Variants in LPXN observed in about 807,000 individuals in gnomAD.
LPXN encodes leupaxin.
In LPXN, 28 loss-of-function variants were observed where a neutral mutation model predicts 45.6. That is an observed-to-expected ratio of 0.61 (90% CI 0.45 to 0.84). The LOEUF is 0.84. LPXN is among the 40% of genes least tolerant of loss of function. The pLI, the probability that LPXN is intolerant of heterozygous loss-of-function variation, is 0.00. For synonymous variants in LPXN, 166 were observed against 169.9 expected (o/e 0.98, Z 0.18); for missense variants, 459 against 475.0 (o/e 0.97, Z 0.31).
At chr11:58,565,256 G>A (rs902016853) in intron 2 of LPXN, among the ~76,000 whole-genome samples, 17 of 151,782 alleles carry the variant, frequency 1.1e-4, no homozygotes, top group Non-Finnish European at 1.8e-4. Context: ...TTTATTGGAC[G>A]GGCGTGGTGG....
intron 1 of LPXN, among the ~76,000 whole-genome samples, chr11:58,572,717 G>A (rs1854746242): frequency 1.3e-5 from 2 of 152,138 alleles, no homozygotes; most frequent in East Asian, 1.9e-4. Context: ...ACAGTTATAT[G>A]TATAAATATA....
chr11:58,543,665 C>A (rs973975889), intron 7 of LPXN, among the ~76,000 whole-genome samples: 5 of 151,810 alleles, frequency 3.3e-5, no homozygotes, highest in African/African-American at 1.2e-4. Flanking sequence ...GGCCTAACTT[C>A]AAAGCCTAAC....
At chr11:58,573,091 C>T (rs146750118) in intron 1 of LPXN, among the ~76,000 whole-genome samples, 26 of 151,866 alleles carry the variant, frequency 1.7e-4, no homozygotes, top group African/African-American at 6.0e-4. Context: ...ACTAAAAACA[C>T]AAAATTAGCC....
chr11:58,547,534 A>G (rs922537184), intron 7 of LPXN, among the ~76,000 whole-genome samples: 2 of 152,182 alleles, frequency 1.3e-5, no homozygotes, highest in African/African-American at 4.8e-5. Flanking sequence ...TCTCATCTCC[A>G]TCCTCCCTAG....
intron 7 of LPXN, among the ~76,000 whole-genome samples, chr11:58,546,201 A>G (rs1853871891): frequency 6.6e-6 from 1 of 152,188 alleles, no homozygotes; most frequent in Non-Finnish European, 1.5e-5. Context: ...TTACGTCTCC[A>G]CAGATGGGAG....
chr11:58,557,136 G>T (rs978794342), intron 3 of LPXN, among the ~76,000 whole-genome samples: 6 of 152,086 alleles, frequency 3.9e-5, no homozygotes, highest in Non-Finnish European at 2.9e-5. Flanking sequence ...ATAATATGCA[G>T]GTTTCTAAAG....
upstream of LPXN, chr11:58,578,038 T>C: frequency 6.4e-7 from 1 of 1,550,624 alleles, no homozygotes; most frequent in South Asian, 1.2e-5. Flanking sequence ...AGATCAATAA[T>C]GTAGACATGA....
upstream of LPXN, chr11:58,578,054 G>T (rs764022212): frequency 6.4e-7 from 1 of 1,550,530 alleles, no homozygotes; most frequent in South Asian, 1.2e-5. Context: ...CATGAACGCT[G>T]GCTAGCCAGT....
chr11:58,570,467 C>T (rs1854655603), intron 2 of LPXN, 89 bp downstream of exon 2: 2 of 991,330 alleles, frequency 2.0e-6, no homozygotes, highest in African/African-American at 3.2e-5. Context: ...TATTATTCTC[C>T]TTTCATATTA....
In LPXN at chr11:58,550,007, G is replaced by A. The variant is rs767678934; in HGVS notation, c.626C>T (p.Pro209Leu). 1.9e-6 allele frequency: 3 copies of A among 1,614,228 alleles called. No homozygotes were observed. The highest frequency in any genetic ancestry group is 2.2e-5 in the East Asian group (1 of 44,886). ...GGGAGCAGCGCAGTAAGCACAGCGTGGAGAAAAAAGTTGGTGGTAGTCGTT... is the reference window on the plus strand; with the variant it reads ...GGGAGCAGCGCAGTAAGCACAGCGTAGAGAAAAAAGTTGGTGGTAGTCGTT... ...CPNDYHQLFS[P>L]RCAYCAAPIL... Residue 209 changes from proline (P) to leucine (L), a missense_variant, in exon 6 of 9, where the codon CCA becomes CTA. Physicochemically the swap from Pro to Leu is moderately conservative, Grantham distance 98. Coordinates refer to ENST00000395074, the MANE Select transcript of LPXN (RefSeq NM_004811.3).
At chr11:58,546,344 C>T in intron 7 of LPXN, among the ~76,000 whole-genome samples, 1 of 152,056 alleles carries the variant, frequency 6.6e-6, no homozygotes, top group East Asian at 1.9e-4. Context: ...AGTTAGATGC[C>T]TTATCTTACC....
chr11:58,572,934 T>G (rs1590592309), intron 1 of LPXN, among the ~76,000 whole-genome samples: 1 of 152,122 alleles, frequency 6.6e-6, no homozygotes, highest in South Asian at 2.1e-4. Flanking sequence ...TTCTTTATAA[T>G]AGAAGTTTTT....
At chr11:58,537,927 C>T (rs1325507684) in intron 7 of LPXN, among the ~76,000 whole-genome samples, 3 of 112,776 alleles carry the variant, frequency 2.7e-5, no homozygotes, top group African/African-American at 1.0e-4. Context: ...CCCCCCTCCC[C>T]CCACCCCACA....
intron 7 of LPXN, among the ~76,000 whole-genome samples, chr11:58,540,934 T>C (rs1300188151): frequency 6.6e-6 from 1 of 152,138 alleles, no homozygotes; most frequent in Non-Finnish European, 1.5e-5. Context: ...AAACAAGCAA[T>C]GGGGAAGGAT....
At chr11:58,547,417 G>A (rs999049068) in intron 7 of LPXN, among the ~76,000 whole-genome samples, 4 of 152,162 alleles carry the variant, frequency 2.6e-5, no homozygotes, top group African/African-American at 4.8e-5. Context: ...TCTTAATCCC[G>A]AAAAGAATTC....
At chr11:58,569,381 G>GC (rs1048612328) in intron 2 of LPXN, among the ~76,000 whole-genome samples, 2 of 147,390 alleles carry the variant, frequency 1.4e-5, no homozygotes, top group Non-Finnish European at 3.0e-5. Context: ...TCTGAGTTTT[G>GC]TTTTTTTTTT....
At chr11:58,571,582 G>C (rs1374423203) in intron 1 of LPXN, among the ~76,000 whole-genome samples, 2 of 151,284 alleles carry the variant, frequency 1.3e-5, no homozygotes, top group East Asian at 3.9e-4. Flanking sequence ...AAATGGTTGG[G>C]GATAAAACTG....
intron 4 of LPXN, among the ~76,000 whole-genome samples, chr11:58,554,461 T>C (rs760714574): frequency 2.0e-5 from 3 of 152,158 alleles, no homozygotes; most frequent in Non-Finnish European, 4.4e-5. Context: ...TCAGAGTCCA[T>C]CCCAAGTTTC....
At chr11:58,549,531 G>C (rs1002761386) in intron 7 of LPXN, among the ~76,000 whole-genome samples, 2 of 152,130 alleles carry the variant, frequency 1.3e-5, no homozygotes, top group African/African-American at 2.4e-5. Flanking sequence ...ACAAGAAAAG[G>C]CTTTTTCAAT....
Sources: allele counts gnomAD v4.1 joint callset (sites outside exome capture counted in the v4.1 genomes callset), GRCh38; gene constraint gnomAD v4.1.1; transcripts MANE v1.5; gene names NCBI Gene and HGNC (gene_info 2026-07-23, HGNC 2026-07-21).